The following RYR2 variants were observed in gnomAD, a reference collection of about 807,000 sequenced individuals.
RYR2 encodes the protein cardiac muscle ryanodine receptor-calcium release channel.
Under a neutral mutation model 601.1 loss-of-function variants are expected in RYR2, and 227 were observed. The observed-to-expected ratio is 0.38, with a 90% CI of 0.34 to 0.42. The LOEUF is 0.42. Among genes scored for constraint, RYR2 ranks in the 10% least tolerant of loss-of-function variants. The pLI, the probability that RYR2 is intolerant of heterozygous loss-of-function variation, is 1.00. For synonymous variants in RYR2, 2,223 were observed against 2,175.1 expected (o/e 1.02, Z -0.61); for missense variants, 4,646 against 6,156.5 (o/e 0.75, Z 8.21).
At chr1:237,378,925 T>C (rs1701238851) in intron 8 of RYR2, among the ~76,000 whole-genome samples, 1 of 152,240 alleles carries the variant, frequency 6.6e-6, no homozygotes, top group South Asian at 2.1e-4. Flanking sequence ...TGCGTAGCTA[T>C]AGGGAGACCT....
rs763801208 is a variant in RYR2 at position 237,674,097 on chromosome 1, A to G, written c.8592A>G (p.Gly2864=). 32 of 1,610,942 alleles carry G rather than the reference A, an allele frequency of 2.0e-5. No individual in the cohort carries two copies. The African/African-American group carries it at 3.9e-4, about 19-fold the overall frequency. Residue 2864 remains glycine, a splice_region_variant and synonymous_variant, in exon 59 of 105, where the codon GGA becomes GGG. Transcript: ENST00000366574. ...KKKKMELESK[G]GGNHPLLVPY... is the part of the protein sequence containing the mutation. ...GTTCTTGTCCTGACATACTCTTAGGAGGAGGAAACCATCCTCTGCTGGTGC... is the reference window on the plus strand; with the variant it reads ...GTTCTTGTCCTGACATACTCTTAGGGGGAGGAAACCATCCTCTGCTGGTGC...
Position 237,723,175 on chromosome 1 carries a change from A to G in RYR2, c.10602A>G (p.Leu3534=), listed in dbSNP as rs397516498. 1 of 1,611,734 alleles carries G rather than the reference A, an allele frequency of 6.2e-7. No individual in the cohort carries two copies. Among genetic ancestry groups the G allele is most frequent in the African/African-American group, 1.3e-5 (1 of 74,986 alleles). The change falls in exon 74 of 105, where the codon TTA becomes TTG. Residue 3534 remains leucine, a synonymous_variant. Transcript: ENST00000366574. ...IRWQMALYKD[L]PNRTDDTSDP... is the part of the protein sequence containing the mutation. ...GGCAAATGGCTCTTTACAAAGACTT[A>G]CCAAACAGGACTGATGATACCTCAG...
chr1:237,545,802 G>A lies in RYR2; in HGVS notation c.2907-2629G>A, dbSNP rs557236556. Among the ~76,000 whole-genome samples the A allele has an allele frequency of 7.3e-5, 11 of 151,718 alleles. 1 individual carries two copies. In the East Asian group the frequency reaches 2.1e-3, roughly 29 times the overall value. On this transcript the variant is annotated intron_variant, in intron 25 of 104. Transcript: ENST00000366574. ...AGGCCAGGAGTGGTGGCTCATGCCT[G>A]TAATCCCAGCAATTTGGGAGGCTGA...
chr1:237,755,031 A>G lies in RYR2; in HGVS notation c.11146-1257A>G, dbSNP rs183279500. 27 of 1,278,692 alleles carry G rather than the reference A, an allele frequency of 2.1e-5. No homozygotes were observed. In the Admixed American group the frequency reaches 4.2e-4, roughly 20 times the overall value. The allele number at this position is 1,278,692 out of a possible 1,614,324, so 79.2% of individuals were successfully genotyped here. On this transcript the variant is annotated intron_variant, in intron 80 of 104. Coordinates refer to ENST00000366574, the MANE Select transcript of RYR2 (RefSeq NM_001035.3). ...AGGAGCGCTAACTATAGTGTGACAA[A>G]AAAAACCCTGATCAATTTTGTTTTC... is the stretch of plus-strand genomic sequence containing the variant.
chr1:237,789,526 T>TCTTA (rs1658096970), intron 92 of RYR2, among the ~76,000 whole-genome samples: 1 of 63,160 alleles, frequency 1.6e-5, no homozygotes, highest in Non-Finnish European at 4.0e-5. Context: ...GGTATAGTTC[T>TCTTA]ATTATAGGTC....
chr1:237,641,876 T>C (rs565613230), intron 47 of RYR2, among the ~76,000 whole-genome samples: 1 of 152,356 alleles, frequency 6.6e-6, no homozygotes, highest in South Asian at 2.1e-4. Flanking sequence ...TTGACCCAAA[T>C]GAAATTAAAG....
intron 27 of RYR2, among the ~76,000 whole-genome samples, chr1:237,556,231 C>T (rs1431032328): frequency 6.6e-6 from 1 of 150,988 alleles, no homozygotes; most frequent in Non-Finnish European, 1.5e-5. Flanking sequence ...ACATATGCTC[C>T]ACTTCATTTT....
chr1:237,364,452 C>T (rs967308131), intron 5 of RYR2, 80 bp downstream of exon 5: 34 of 700,014 alleles, frequency 4.9e-5, no homozygotes, highest in Non-Finnish European at 7.3e-5. Context: ...TATGTATCTG[C>T]ATATTAGTAT....
chr1:237,238,885 G>T (rs1204235685), intron 1 of RYR2, among the ~76,000 whole-genome samples: 3 of 152,128 alleles, frequency 2.0e-5, no homozygotes, highest in Admixed American at 6.5e-5. Flanking sequence ...ACGATAAAAG[G>T]TACGAACCCA....
chr1:237,690,555 T>G (rs2148983207), intron 63 of RYR2, among the ~76,000 whole-genome samples: 1 of 152,310 alleles, frequency 6.6e-6, no homozygotes, highest in South Asian at 2.1e-4. Flanking sequence ...ACTAGTAGAC[T>G]TAGCCCTTTA....
chr1:237,512,558 G>T (rs1251049618), intron 24 of RYR2, among the ~76,000 whole-genome samples: 1 of 152,072 alleles, frequency 6.6e-6, no homozygotes, highest in African/African-American at 2.4e-5. Context: ...CCATATCTTT[G>T]GTTTTGTTTT....
At chr1:237,065,517 C>A (rs1663487448) in intron 1 of RYR2, among the ~76,000 whole-genome samples, 1 of 151,952 alleles carries the variant, frequency 6.6e-6, no homozygotes, top group African/African-American at 2.4e-5. Context: ...GAACTCCTGA[C>A]ATTGTGATCC....
intron 25 of RYR2, among the ~76,000 whole-genome samples, chr1:237,536,252 T>A (rs1422813360): frequency 6.6e-6 from 1 of 152,268 alleles, no homozygotes; most frequent in Non-Finnish European, 1.5e-5. Context: ...TTATGTTTCA[T>A]GTCCTCTAAT....
intron 16 of RYR2, among the ~76,000 whole-genome samples, chr1:237,467,767 C>T (rs142998597): frequency 1.3e-5 from 2 of 152,124 alleles, no homozygotes; most frequent in East Asian, 3.9e-4. Flanking sequence ...TGTAGGGTCT[C>T]TTCCCTCCTG....
In RYR2 at chr1:237,551,199, T is replaced by C. The variant is rs546713389; in HGVS notation, c.3214+508T>C. 7.2e-5 allele frequency among the ~76,000 whole-genome samples: 11 copies of C among 152,338 alleles called. No individual in the cohort carries two copies. The East Asian group carries it at 1.2e-3, about 16-fold the overall frequency. ...GAACACAATGGATTTTTAAAGGTTC[T>C]GCAAAGAATACATTTTCCTTAAATA... On this transcript the variant is annotated intron_variant, in intron 27 of 104. Coordinates refer to ENST00000366574, the MANE Select transcript of RYR2 (RefSeq NM_001035.3).
chr1:237,619,328 A>G (rs897629761), intron 38 of RYR2, among the ~76,000 whole-genome samples: 1 of 152,212 alleles, frequency 6.6e-6, no homozygotes, highest in African/African-American at 2.4e-5. Flanking sequence ...AACAAAATAT[A>G]TGGCAAAGAA....
At chr1:237,771,824 A>T (rs1694295872) in intron 85 of RYR2, among the ~76,000 whole-genome samples, 188 bp from the exon 86 acceptor site, 1 of 152,212 alleles carries the variant, frequency 6.6e-6, no homozygotes, top group Non-Finnish European at 1.5e-5. Flanking sequence ...TGGAGCACCC[A>T]GATACACTTT....
intron 10 of RYR2, among the ~76,000 whole-genome samples, chr1:237,408,392 T>TTATA (rs71561871): frequency 1.6e-5 from 1 of 62,604 alleles, no homozygotes; most frequent in Admixed American, 1.1e-4. Flanking sequence ...TCTAGATTCT[T>TTATA]TATATATATA....
chr1:237,410,256 G>T (rs528537444), intron 10 of RYR2, among the ~76,000 whole-genome samples: 77 of 152,150 alleles, frequency 5.1e-4, no homozygotes, highest in Non-Finnish European at 7.9e-4. Context: ...TGGCTTTTTT[G>T]GATAAGCCAA....
Sources: gnomAD v4.1 joint callset for allele counts (sites outside exome capture counted in the v4.1 genomes callset) on GRCh38, gnomAD v4.1.1 for gene constraint, MANE v1.5 for transcripts, NCBI Gene and HGNC (gene_info 2026-07-23, HGNC 2026-07-21) for gene names.